SCAPER: variants seen among roughly 807,000 people sequenced by gnomAD.
SCAPER encodes S-phase cyclin A associated protein in the ER.
SCAPER carries 98 observed loss-of-function variants against 182.2 expected under a neutral mutation model. The ratio of observed to expected loss-of-function variants is 0.54; its 90% confidence interval spans 0.46 to 0.64. The LOEUF is 0.64. Among genes scored for constraint, SCAPER ranks in the 30% least tolerant of loss-of-function variants. SCAPER has a pLI of 0.00. For missense variants in SCAPER, 1,432 were observed against 1,690.0 expected (o/e 0.85, Z 2.68); for synonymous variants, 605 against 564.6 (o/e 1.07, Z -1.01).
intron 8 of SCAPER, among the ~76,000 whole-genome samples, chr15:76,792,608 T>C (rs2065070002): frequency 6.6e-6 from 1 of 152,236 alleles, no homozygotes; most frequent in Non-Finnish European, 1.5e-5. Flanking sequence ...CATTCTCTCC[T>C]TGTTGGAAGC....
chr15:76,738,283 C>A (rs2061376125), intron 15 of SCAPER, among the ~76,000 whole-genome samples: 1 of 152,082 alleles, frequency 6.6e-6, no homozygotes, highest in Non-Finnish European at 1.5e-5. Context: ...CATGTGCGAC[C>A]ACATCTGGCT....
At chr15:76,493,227 C>T (rs1384817278) in intron 24 of SCAPER, among the ~76,000 whole-genome samples, 1 of 152,132 alleles carries the variant, frequency 6.6e-6, no homozygotes, top group Non-Finnish European at 1.5e-5. Context: ...GATTATTTCC[C>T]TGCACTTCAT....
intron 16 of SCAPER, among the ~76,000 whole-genome samples, chr15:76,732,657 G>A (rs1464687169): frequency 6.6e-6 from 1 of 152,102 alleles, no homozygotes; most frequent in Non-Finnish European, 1.5e-5. Flanking sequence ...CCCCCGGGGA[G>A]TTTAGAGAAG....
chr15:76,768,540 G>C (rs960739729), intron 10 of SCAPER, among the ~76,000 whole-genome samples: 1 of 152,112 alleles, frequency 6.6e-6, no homozygotes, highest in Non-Finnish European at 1.5e-5. Flanking sequence ...GGAGTGAAAG[G>C]GAGTAACTGC....
At chr15:76,775,156 A>G (rs181673591) in intron 8 of SCAPER, 39 bp from the exon 9 acceptor site, 1 of 1,521,460 alleles carries the variant, frequency 6.6e-7, no homozygotes, top group African/African-American at 1.4e-5. Flanking sequence ...AGATTTATTT[A>G]GATGATAAAA....
At chr15:76,370,761 G>A (rs1375145587) in intron 29 of SCAPER, among the ~76,000 whole-genome samples, 3 of 152,112 alleles carry the variant, frequency 2.0e-5, no homozygotes, top group Non-Finnish European at 4.4e-5. Context: ...GGCAGAGCTG[G>A]GGCTAGAACC....
chr15:76,749,844 AG>A (rs1380082456), intron 15 of SCAPER, among the ~76,000 whole-genome samples: 1 of 152,000 alleles, frequency 6.6e-6, no homozygotes. Flanking sequence ...AAACCCAGAT[AG>A]GCTTTAAAAA....
At chr15:76,779,472 C>T (rs1282837721) in intron 8 of SCAPER, among the ~76,000 whole-genome samples, 1 of 152,042 alleles carries the variant, frequency 6.6e-6, no homozygotes, top group Non-Finnish European at 1.5e-5. Flanking sequence ...CCCACCAAAA[C>T]CACTAGCTAC....
At chr15:76,430,808 A>C (rs932618864) in intron 26 of SCAPER, among the ~76,000 whole-genome samples, 3 of 152,086 alleles carry the variant, frequency 2.0e-5, no homozygotes, top group African/African-American at 7.2e-5. Flanking sequence ...GGAAGGCATG[A>C]TTGGTTTTGA....
chr15:76,609,987 G>C (rs895264537), intron 22 of SCAPER, among the ~76,000 whole-genome samples: 5 of 151,918 alleles, frequency 3.3e-5, no homozygotes, highest in African/African-American at 1.2e-4. Flanking sequence ...GTTAGGCTCT[G>C]GTGAAATAGT....
At chr15:76,716,605 G>A (rs280004) in intron 17 of SCAPER, among the ~76,000 whole-genome samples, 148,526 of 152,086 alleles carry the variant, frequency 0.98, 72,616 homozygotes, top group East Asian at 1. Context: ...ATTCAATAAA[G>A]GAGATATCAT....
At chr15:76,856,774 G>A (rs2071417110) in intron 4 of SCAPER, among the ~76,000 whole-genome samples, 1 of 152,014 alleles carries the variant, frequency 6.6e-6, no homozygotes, top group African/African-American at 2.4e-5. Context: ...AGGCTGAGGT[G>A]GGAGAATTAC....
At chr15:76,651,302 G>A (rs988020609) in intron 21 of SCAPER, among the ~76,000 whole-genome samples, 2 of 152,106 alleles carry the variant, frequency 1.3e-5, no homozygotes, top group African/African-American at 4.8e-5. Flanking sequence ...TAATGAAAGA[G>A]AGGATGTCAC....
intron 29 of SCAPER, among the ~76,000 whole-genome samples, chr15:76,361,391 C>T (rs1566991256): frequency 1.3e-5 from 2 of 152,196 alleles, no homozygotes; most frequent in African/African-American, 2.4e-5. Context: ...GAATGGAATA[C>T]TGAACAAATC....
intron 27 of SCAPER, among the ~76,000 whole-genome samples, chr15:76,385,524 T>C (rs1173530134): frequency 6.6e-6 from 1 of 152,134 alleles, no homozygotes; most frequent in Non-Finnish European, 1.5e-5. Context: ...ATCTGCATAG[T>C]GTTGGAGTGG....
At chr15:76,689,820 G>C (rs1250312351) in intron 20 of SCAPER, among the ~76,000 whole-genome samples, 3 of 151,016 alleles carry the variant, frequency 2.0e-5, no homozygotes, top group African/African-American at 7.3e-5. Flanking sequence ...AAACTAAACA[G>C]GGCAACATCA....
chr15:76,802,660 T>G (rs1245261404), intron 6 of SCAPER, among the ~76,000 whole-genome samples: 2 of 152,204 alleles, frequency 1.3e-5, no homozygotes, highest in Non-Finnish European at 2.9e-5. Context: ...GGAATTCCTT[T>G]ACCCTACTGG....
At chr15:76,787,774 A>G (rs1269288412) in intron 8 of SCAPER, among the ~76,000 whole-genome samples, 1 of 152,234 alleles carries the variant, frequency 6.6e-6, no homozygotes, top group African/African-American at 2.4e-5. Context: ...AGGCAATGTA[A>G]GAGAAAAACC....
intron 5 of SCAPER, among the ~76,000 whole-genome samples, chr15:76,832,478 G>T (rs2068568278): frequency 6.6e-6 from 1 of 152,232 alleles, no homozygotes; most frequent in Non-Finnish European, 1.5e-5. Context: ...ATGTGATAAT[G>T]TAAAGAGAAC....
Sources: allele counts gnomAD v4.1 joint callset (sites outside exome capture counted in the v4.1 genomes callset), GRCh38; gene constraint gnomAD v4.1.1; transcripts MANE v1.5; gene names NCBI Gene and HGNC (gene_info 2026-07-23, HGNC 2026-07-21).